AJAP1: variants seen among roughly 807,000 people sequenced by gnomAD.
The protein encoded by AJAP1 is adherens junction-associated protein 1.
In AJAP1, 5 loss-of-function variants were observed where a neutral mutation model predicts 35.0. The ratio of observed to expected loss-of-function variants is 0.14; its 90% CI spans 0.07 to 0.30. The LOEUF (loss-of-function observed/expected upper bound fraction) is 0.30, where lower values mean the gene tolerates loss of function less well. Among genes scored for constraint, AJAP1 ranks in the 10% least tolerant of loss-of-function variants. The pLI is 1.00. For missense variants in AJAP1, 586 were observed against 571.0 expected (o/e 1.03, Z -0.27); for synonymous variants, 284 against 249.3 (o/e 1.14, Z -1.31).
rs535291248 is a variant in AJAP1 at position 4,691,686 on chromosome 1, G to A, written c.30-20214G>A. 2.2e-4 allele frequency among the ~76,000 whole-genome samples: 33 copies of A among 152,286 alleles called. No individual in the cohort carries two copies. The South Asian group carries it at 6.8e-3, about 32-fold the overall frequency. ...CCACCCGCTGACTCCAGGAGTCAGG[G>A]GGGCTTAGGAAGGAGGGCCAGGACC... On this transcript the variant is annotated intron_variant, in intron 1 of 5. Transcript: ENST00000378191.
intron 2 of AJAP1, among the ~76,000 whole-genome samples, chr1:4,750,244 G>A (rs1641292338): frequency 6.6e-6 from 1 of 152,226 alleles, no homozygotes; most frequent in South Asian, 2.1e-4. Context: ...GCATTTGTGT[G>A]TGCATGTGCA....
chr1:4,712,484 C>T lies in AJAP1; in HGVS notation c.614C>T (p.Thr205Met), dbSNP rs761087567. Residue 205 changes from threonine to methionine, a missense_variant, in exon 2 of 6, where the codon ACG becomes ATG. Transcript: ENST00000378191. Reference protein sequence around the residue: ...NTFPGVYGPTTVSILQTRKTT... With the variant: ...NTFPGVYGPTMVSILQTRKTT... Reference sequence around the variant, plus strand: ...TTTCCGGGCGTTTACGGCCCCACCACGGTCTCCATCCTACAAACACGGAAG... The same window carrying T: ...TTTCCGGGCGTTTACGGCCCCACCATGGTCTCCATCCTACAAACACGGAAG... The T allele has an allele frequency of 5.0e-6, 8 of 1,612,484 alleles. No individual in the cohort carries two copies. The highest frequency in any genetic ancestry group is 1.7e-5 in the Admixed American group (1 of 59,792).
intron 2 of AJAP1, among the ~76,000 whole-genome samples, chr1:4,736,595 C>T (rs540917912): frequency 2.4e-4 from 37 of 152,330 alleles, no homozygotes; most frequent in Admixed American, 1.1e-3. Context: ...GCCCTGACTC[C>T]CCAGTGAACC....
intron 2 of AJAP1, among the ~76,000 whole-genome samples, chr1:4,731,656 G>C (rs1640798281): frequency 6.6e-6 from 1 of 152,204 alleles, no homozygotes; most frequent in African/African-American, 2.4e-5. Context: ...GTAACATACA[G>C]GGTCCCCAAC....
chr1:4,726,368 G>A (rs1315366696), intron 2 of AJAP1, among the ~76,000 whole-genome samples: 1 of 152,138 alleles, frequency 6.6e-6, no homozygotes, highest in Non-Finnish European at 1.5e-5. Flanking sequence ...GTGTTTAGAG[G>A]GAGAACCCTT....
chr1:4,752,436 C>T (rs896817001), intron 2 of AJAP1, among the ~76,000 whole-genome samples: 1 of 152,148 alleles, frequency 6.6e-6, no homozygotes, highest in Non-Finnish European at 1.5e-5. Flanking sequence ...TGGGATGGCC[C>T]AGGAAGAATG....
intron 2 of AJAP1, among the ~76,000 whole-genome samples, chr1:4,719,684 C>T (rs1640475556): frequency 6.6e-6 from 1 of 152,164 alleles, no homozygotes; most frequent in Non-Finnish European, 1.5e-5. Flanking sequence ...ATAAGACAAC[C>T]TCCGAGGTCC....
At position 4,789,435 on chromosome 1, in the gene AJAP1, C is replaced by G. The variant is rs1010974732; in HGVS notation, c.*6950C>G. ...GGAGCATTGGACTGTAGGAAATTCT[C>G]CTTTATACAAGTTAATTAGTTTTGT... On this transcript the variant is annotated 3_prime_UTR_variant, in exon 6 of 6. Coordinates refer to ENST00000378191, the MANE Select transcript of AJAP1 (RefSeq NM_018836.4). The surrounding 1 kb of genome is among the most constrained non-coding windows in gnomAD (Gnocchi z 4.4). The G allele has an allele frequency of 7.9e-5, 12 of 152,180 alleles. No individual in the cohort carries two copies. The highest frequency in any genetic ancestry group is 2.9e-4 in the African/African-American group (12 of 41,452). 9.4% of individuals were successfully genotyped at this position (152,180 alleles called of 1,614,324 possible). A position where few individuals can be genotyped will look rare whatever the true frequency, so the allele number is the denominator to read the frequency against.
Position 4,787,516 on chromosome 1 carries a change from G to T in AJAP1, c.*5031G>T, listed in dbSNP as rs960900526. On this transcript the variant is annotated 3_prime_UTR_variant, in exon 6 of 6. Coordinates refer to ENST00000378191, the MANE Select transcript of AJAP1 (RefSeq NM_018836.4). Reference sequence around the variant, plus strand: ...TAGCTCTTGGATAAAATGCAGTGCAGCACTGAAGATAAGACATCGCAGTTG... The same window carrying T: ...TAGCTCTTGGATAAAATGCAGTGCATCACTGAAGATAAGACATCGCAGTTG... 1 of 368,684 alleles carries T rather than the reference G, an allele frequency of 2.7e-6. No homozygotes were observed. Among genetic ancestry groups the T allele is most frequent in the Admixed American group, 3.3e-5 (1 of 30,204 alleles). The allele number at this position is 368,684 out of a possible 1,614,324, so 22.8% of individuals were successfully genotyped here.
chr1:4,687,294 T>C (rs934103235), intron 1 of AJAP1, among the ~76,000 whole-genome samples: 1 of 152,184 alleles, frequency 6.6e-6, no homozygotes, highest in African/African-American at 2.4e-5. Context: ...AAGCCGTGGA[T>C]GGGTTTCCAC....
At position 4,788,933 on chromosome 1, in the gene AJAP1, G is replaced by A. The variant is rs1642211931; in HGVS notation, c.*6448G>A. ...GTGACTGAAGAGAATGGTCAACTCG[G>A]TGGTGATGGGCCTGTTTTGGAGCTA... On this transcript the variant is annotated 3_prime_UTR_variant, in exon 6 of 6. Transcript: ENST00000378191. The A allele has an allele frequency of 1.3e-5, 2 of 152,208 alleles. No individual in the cohort carries two copies. Among genetic ancestry groups the A allele is most frequent in the Admixed American group, 6.5e-5 (1 of 15,290 alleles). The allele number at this position is 152,208 out of a possible 1,614,324, so 9.4% of individuals were successfully genotyped here.
chr1:4,729,791 G>A (rs973402291), intron 2 of AJAP1, among the ~76,000 whole-genome samples: 2 of 152,124 alleles, frequency 1.3e-5, no homozygotes, highest in African/African-American at 4.8e-5. Flanking sequence ...TATTCATTTG[G>A]GGGTGCATAA....
Position 4,711,847 on chromosome 1 carries a change from T to C in AJAP1, c.30-53T>C, listed in dbSNP as rs1640247787. The C allele has an allele frequency of 2.2e-6, 3 of 1,353,092 alleles. No individual in the cohort carries two copies. In the Admixed American group the frequency reaches 8.8e-5, roughly 40 times the overall value. 83.8% of individuals were successfully genotyped at this position (1,353,092 alleles called of 1,614,324 possible). A position where few individuals can be genotyped will look rare whatever the true frequency, so the allele number is the denominator to read the frequency against. ...GGAGAGAGAGGGCCCCGGGGCCCAG[T>C]CCCCCTCCTGGGCTTCCACTGACCG... On this transcript the variant is annotated intron_variant, in intron 1 of 5. Transcript: ENST00000378191.
Position 4,772,489 on chromosome 1 carries a change from C to T in AJAP1, c.1127C>T (p.Thr376Met), listed in dbSNP as rs149958982. Residue 376 changes from threonine to methionine, a missense_variant, in exon 4 of 6, where the codon ACG becomes ATG. Coordinates refer to ENST00000378191, the MANE Select transcript of AJAP1 (RefSeq NM_018836.4). ...PVYTDETLHSTTGEYKSTFNG... is the reference protein window; with the variant it reads ...PVYTDETLHSMTGEYKSTFNG... ...TACACCGATGAGACGCTGCACTCGA[C>T]GACGGGGGAGTACAAATCCACATTT... 1.6e-4 allele frequency: 256 copies of T among 1,614,224 alleles called. 1 individual carries two copies. In the African/African-American group the frequency reaches 2.8e-3, roughly 17 times the overall value.
rs1056656616 is a variant in AJAP1, at chr1:4,693,980, G to A, written c.30-17920G>A. Among the ~76,000 whole-genome samples the A allele has an allele frequency of 3.9e-5, 6 of 152,220 alleles. No homozygotes were observed. In the South Asian group the frequency reaches 6.2e-4, roughly 16 times the overall value. On this transcript the variant is annotated intron_variant, in intron 1 of 5. Coordinates refer to ENST00000378191, the MANE Select transcript of AJAP1 (RefSeq NM_018836.4). The surrounding 1 kb of genome is among the most constrained non-coding windows in gnomAD (Gnocchi z 4.4). ...GGACACTCCAGCCCACTGCAGTGCC[G>A]GGAAAAGTGAGGCCTCATTCACAAG...
intron 2 of AJAP1, among the ~76,000 whole-genome samples, chr1:4,719,707 C>A (rs1057346561): frequency 2.0e-5 from 3 of 152,130 alleles, no homozygotes; most frequent in African/African-American, 7.2e-5. Context: ...CCTCTAGCTC[C>A]GAATTGCCCT....
chr1:4,676,304 G>A (rs751203539), intron 1 of AJAP1, among the ~76,000 whole-genome samples: 20 of 152,170 alleles, frequency 1.3e-4, no homozygotes, highest in Non-Finnish European at 2.8e-4. Flanking sequence ...TGTGAAGGGA[G>A]TGAAAATTGA....
chr1:4,659,669 C>A (rs1360298041), intron 1 of AJAP1, among the ~76,000 whole-genome samples: 1 of 152,162 alleles, frequency 6.6e-6, no homozygotes, highest in African/African-American at 2.4e-5. Context: ...ACTGGCTACT[C>A]CTGGGTCAAT....
intron 2 of AJAP1, among the ~76,000 whole-genome samples, chr1:4,733,336 G>A (rs1640843475): frequency 6.6e-6 from 1 of 151,992 alleles, no homozygotes; most frequent in Non-Finnish European, 1.5e-5. Flanking sequence ...CACTTCCAAA[G>A]CCTGGGTTTA....
Sources: gnomAD v4.1 joint callset for allele counts (sites outside exome capture counted in the v4.1 genomes callset) on GRCh38, gnomAD v4.1.1 for gene constraint, Gnocchi (gnomAD v3.1) non-coding constraint, MANE v1.5 for transcripts, NCBI Gene and HGNC (gene_info 2026-07-23, HGNC 2026-07-21) for gene names.